Variants in GH2 observed in about 807,000 individuals in gnomAD.
The protein encoded by GH2 is growth hormone variant.
GH2 carries 17 observed loss-of-function variants against 24.1 expected under a neutral mutation model. The observed-to-expected ratio is 0.71, with a 90% confidence interval of 0.48 to 1.06. The LOEUF is 1.06. Ranked by LOEUF, GH2 falls within the 50% of genes least tolerant of loss-of-function variation. The pLI is 0.00. For missense variants in GH2, 305 were observed against 273.1 expected, an observed-to-expected ratio of 1.12 and a Z score of -0.82; for synonymous variants, 126 against 118.7, an observed-to-expected ratio of 1.06 and a Z score of -0.40.
In GH2 at chr17:63,881,384, A is replaced by T. The variant is rs756555119; in HGVS notation, c.146T>A (p.Leu49Gln). The change falls in exon 2 of 5, where the codon CTG (leucine) becomes CAG (glutamine). Residue 49 changes from leucine (L) to glutamine (Q), a missense_variant. Physicochemically the swap from Leu to Gln is moderately radical, Grantham distance 113. Coordinates refer to ENST00000423893, the MANE Select transcript of GH2 (RefSeq NM_002059.5). ...AAACTCCTGATAGGTGTCATATGCC[A>T]GCTGGTACAGGCGACGGGCGCGGAG... is the stretch of plus-strand genomic sequence containing the variant. ...AMLRARRLYQ[L>Q]AYDTYQEFEE... 6.2e-7 allele frequency: 1 copy of T among 1,614,086 alleles called. No homozygotes were observed. Among genetic ancestry groups the T allele is most frequent in the Non-Finnish European group, 8.5e-7 (1 of 1,179,962 alleles).
chr17:63,881,938 C>G lies in GH2; in HGVS notation c.-137G>C. The G allele has an allele frequency of 6.3e-7, 1 of 1,587,476 alleles. No homozygotes were observed. On this transcript the variant is annotated 5_prime_UTR_variant, in exon 1 of 5. The change abolishes an upstream ATG in the 5' untranslated region. Coordinates refer to ENST00000423893, the MANE Select transcript of GH2 (RefSeq NM_002059.5). ...CTGCTTCTCCTCACCTGTTTCTCTG[C>G]ATGTTTAGGCCTGGGGCCACTGACG... is the stretch of plus-strand genomic sequence containing the variant.
intron 1 of GH2, 72 bp from the exon 2 acceptor site, chr17:63,881,591 T>C: frequency 4.5e-6 from 7 of 1,556,578 alleles, no homozygotes; most frequent in Non-Finnish European, 6.0e-6. Context: ...TTCCAGGAGC[T>C]GGGTTTTTTT....
At position 63,880,975 on chromosome 17, in the gene GH2, G is replaced by A. The variant is rs777385769; in HGVS notation, c.292-39C>T. ...ACCGGCAGTGGCTGTGCTGCCCGGG[G>A]GCTCTGACCACAGGTCTACCCCATC... On this transcript the variant is annotated intron_variant, in intron 3 of 4. Transcript: ENST00000423893. 1.1e-5 allele frequency: 17 copies of A among 1,614,124 alleles called. No individual in the cohort carries two copies. The South Asian group carries it at 1.2e-4, about 11-fold the overall frequency.
At chr17:63,881,613 T>C in intron 1 of GH2, 94 bp from the exon 2 acceptor site, 7 of 1,601,634 alleles carry the variant, frequency 4.4e-6, no homozygotes, top group Non-Finnish European at 6.0e-6. Context: ...TTTCTCTCTC[T>C]CTCTCTGCCT....
Position 63,880,883 on chromosome 17 carries a change from G to C in GH2, c.345C>G (p.Pro115=). ...CGAAGACGCTCCTGAGGAGCTGCAC[G>C]GGCTCCAGCCATGACTGGATGAGCA... ...SLLLIQSWLE[P]VQLLRSVFAN... Residue 115 remains proline (P), a synonymous_variant, in exon 4 of 5, where the codon CCC becomes CCG. Transcript: ENST00000423893. The C allele has an allele frequency of 1.2e-6, 2 of 1,614,086 alleles. No individual in the cohort carries two copies. Among genetic ancestry groups the C allele is most frequent in the South Asian group, 1.1e-5 (1 of 91,082 alleles).
At chr17:63,880,575 C>G (rs754220442) in intron 4 of GH2, 57 bp from the exon 5 acceptor site, 6 of 1,613,778 alleles carry the variant, frequency 3.7e-6, no homozygotes, top group Non-Finnish European at 5.1e-6. Flanking sequence ...TTCCCTCCCT[C>G]TCTCATTCAT....
chr17:63,880,532 G>A lies in GH2; in HGVS notation c.457-14C>T. Reference sequence around the variant, plus strand: ...ATCTTCCAGCCTCTGCAAAGTGAAGGAAGAGAAGGAGAGGCCAAGCGCTTG... The same window carrying A: ...ATCTTCCAGCCTCTGCAAAGTGAAGAAAGAGAAGGAGAGGCCAAGCGCTTG... On this transcript the variant is annotated splice_polypyrimidine_tract_variant and intron_variant, in intron 4 of 4. Coordinates refer to ENST00000423893, the MANE Select transcript of GH2 (RefSeq NM_002059.5). The A allele has an allele frequency of 1.9e-6, 3 of 1,613,774 alleles. No individual in the cohort carries two copies. The highest frequency in any genetic ancestry group is 2.5e-6 in the Non-Finnish European group (3 of 1,179,780).
At chr17:63,880,585 T>C in intron 4 of GH2, 67 bp from the exon 5 acceptor site, 1 of 1,613,808 alleles carries the variant, frequency 6.2e-7, no homozygotes, top group Non-Finnish European at 8.5e-7. Context: ...CTCTCATTCA[T>C]CCATTTTCCT....
rs766448859 is a variant in GH2 at position 63,881,939 on chromosome 17, A to G, written c.-138T>C. 10 of 1,587,540 alleles carry G rather than the reference A, an allele frequency of 6.3e-6. No individual in the cohort carries two copies. The highest frequency in any genetic ancestry group is 5.4e-5 in the Admixed American group (3 of 55,460). ...TGCTTCTCCTCACCTGTTTCTCTGC[A>G]TGTTTAGGCCTGGGGCCACTGACGG... On this transcript the variant is annotated 5_prime_UTR_variant, in exon 1 of 5. It removes an upstream start codon present in the reference 5' UTR. Coordinates refer to ENST00000423893, the MANE Select transcript of GH2 (RefSeq NM_002059.5).
At chr17:63,881,581 T>C (rs552722305) in intron 1 of GH2, 62 bp from the exon 2 acceptor site, 33 of 1,586,126 alleles carry the variant, frequency 2.1e-5, no homozygotes, top group South Asian at 5.6e-5. Flanking sequence ...GCTCTCCCTG[T>C]TCCAGGAGCT....
chr17:63,880,882 C>A lies in GH2; in HGVS notation c.346G>T (p.Val116Leu), dbSNP rs61764019. The change falls in exon 4 of 5, where the codon GTG becomes TTG. Residue 116 changes from valine (V) to leucine (L), a missense_variant. Transcript: ENST00000423893. ...GCGAAGACGCTCCTGAGGAGCTGCA[C>A]GGGCTCCAGCCATGACTGGATGAGC... ...LLLIQSWLEP[V>L]QLLRSVFANS... 2 of 1,614,060 alleles carry A rather than the reference C, an allele frequency of 1.2e-6. No individual in the cohort carries two copies. Among genetic ancestry groups the A allele is most frequent in the East Asian group, 4.5e-5 (2 of 44,876 alleles).
chr17:63,880,671 G>T (rs774122646), intron 4 of GH2, 101 bp downstream of exon 4: 1 of 1,614,058 alleles, frequency 6.2e-7, no homozygotes, highest in South Asian at 1.1e-5. Context: ...GTTCTCTTGG[G>T]TCAGCGCCTG....
chr17:63,881,830 C>T lies in GH2; in HGVS notation c.-29G>A. ...CGCTAGGTGAGCTGTCCACAGGACC[C>T]TGAGTGGTTCGGGGAGTTGGGCCTT... On this transcript the variant is annotated 5_prime_UTR_variant, in exon 1 of 5. Coordinates refer to ENST00000423893, the MANE Select transcript of GH2 (RefSeq NM_002059.5). 3.1e-6 allele frequency: 5 copies of T among 1,613,676 alleles called. No individual in the cohort carries two copies. Among genetic ancestry groups the T allele is most frequent in the Non-Finnish European group, 4.2e-6 (5 of 1,179,756 alleles).
chr17:63,881,303 G>T, intron 2 of GH2, 56 bp downstream of exon 2: 1 of 1,611,762 alleles, frequency 6.2e-7, no homozygotes, highest in Non-Finnish European at 8.5e-7. Context: ...TTCCCAGCGG[G>T]GGAAAGTCAC....
chr17:63,881,547 G>A (rs750952501), intron 1 of GH2, 28 bp from the exon 2 acceptor site: 2 of 1,613,560 alleles, frequency 1.2e-6, no homozygotes, highest in Admixed American at 3.3e-5. Flanking sequence ...GGCAACAGAG[G>A]GAGCTGGAGA....
Position 63,880,811 on chromosome 17 carries a change from G to T in GH2, c.417C>A (p.His139Gln), listed in dbSNP as rs764963375. ...GGATGCCTTCCTCTAGGTCCTTCAG[G>T]TGGCGATAGACGTTGCTGTCCGAGG... is the stretch of plus-strand genomic sequence containing the variant. ...YGASDSNVYR[H>Q]LKDLEEGIQT... The change falls in exon 4 of 5, where the codon CAC (histidine) becomes CAA (glutamine). Residue 139 changes from histidine (H) to glutamine (Q), a missense_variant. By Grantham distance (24) the His-to-Gln change is conservative. Coordinates refer to ENST00000423893, the MANE Select transcript of GH2 (RefSeq NM_002059.5). 4 of 1,614,082 alleles carry T rather than the reference G, an allele frequency of 2.5e-6. No individual in the cohort carries two copies. In the South Asian group the frequency reaches 3.3e-5, roughly 13 times the overall value.
chr17:63,881,444 G>A lies in GH2; in HGVS notation c.86C>T (p.Thr29Ile), dbSNP rs774109963. ...SWLQEGSAFPTIPLSRLFDNA... is the reference protein window; with the variant it reads ...SWLQEGSAFPIIPLSRLFDNA... ...GTCAAAAAGCCTGGATAAGGGAATGGTTGGGAAGGCACTGCCCTCTTGAAG... is the reference window on the plus strand; with the variant it reads ...GTCAAAAAGCCTGGATAAGGGAATGATTGGGAAGGCACTGCCCTCTTGAAG... Residue 29 changes from threonine (T) to isoleucine (I), a missense_variant, in exon 2 of 5, where the codon ACC becomes ATC. Transcript: ENST00000423893. The A allele has an allele frequency of 6.2e-7, 1 of 1,614,024 alleles. No homozygotes were observed. The highest frequency in any genetic ancestry group is 1.1e-5 in the South Asian group (1 of 91,072).
chr17:63,881,011 G>A lies in GH2; in HGVS notation c.291+18C>T, dbSNP rs753765648. On this transcript the variant is annotated intron_variant, in intron 3 of 4. Coordinates refer to ENST00000423893, the MANE Select transcript of GH2 (RefSeq NM_002059.5). ...CAGGTCTACCCCATCCCCACCTGGG[G>A]AGAAGGCATCCACTCACAGATTTCT... The A allele has an allele frequency of 3.7e-6, 6 of 1,613,982 alleles. No homozygotes were observed. Among genetic ancestry groups the A allele is most frequent in the Non-Finnish European group, 5.1e-6 (6 of 1,179,972 alleles).
intron 1 of GH2, 135 bp downstream of exon 1, chr17:63,881,657 C>T: frequency 6.2e-7 from 1 of 1,607,360 alleles, no homozygotes; most frequent in Non-Finnish European, 8.5e-7. Flanking sequence ...AGAGATTGGC[C>T]AAATACTGGG....
Sources: allele counts gnomAD v4.1 joint callset, GRCh38; gene constraint gnomAD v4.1.1; transcripts MANE v1.5; gene names NCBI Gene and HGNC (gene_info 2026-07-23, HGNC 2026-07-21).